Variants in ARRB1 observed in about 807,000 individuals in gnomAD.
ARRB1 encodes beta-arrestin-1.
Under a neutral mutation model 56.8 loss-of-function variants are expected in ARRB1, and 21 were observed. The ratio of observed to expected loss-of-function variants is 0.37; its 90% CI spans 0.26 to 0.53. ARRB1 has a LOEUF of 0.53. Ranked by LOEUF, ARRB1 falls within the 20% of genes least tolerant of loss-of-function variation. ARRB1 has a pLI of 0.88. For synonymous variants in ARRB1, 210 were observed against 218.6 expected (o/e 0.96, Z 0.35); for missense variants, 424 against 553.7 (o/e 0.77, Z 2.35).
chr11:75,290,024 G>A lies in ARRB1; in HGVS notation c.36C>T (p.Ala12=), dbSNP rs773637962. ...GDKGTRVFKK[A]SPNGKLTVYL... The stretch of plus-strand genomic sequence containing the variant: ...ACAGACTCACCTTTCCATTTGGACT[G>A]GCCTTCTTGAACACTCTGTGGAGAG... The change falls in exon 2 of 16, where the codon GCC becomes GCT. Residue 12 remains alanine, a synonymous_variant. Coordinates refer to ENST00000420843, the MANE Select transcript of ARRB1 (RefSeq NM_004041.5). 63 of 1,614,124 alleles carry A rather than the reference G, an allele frequency of 3.9e-5. No homozygotes were observed. The highest frequency in any genetic ancestry group is 5.0e-5 in the Non-Finnish European group (59 of 1,180,054).
At chr11:75,346,953 G>A (rs940370306) in intron 1 of ARRB1, among the ~76,000 whole-genome samples, 1 of 152,216 alleles carries the variant, frequency 6.6e-6, no homozygotes. Flanking sequence ...AGCCATGCAG[G>A]CCTCAGCCAG....
chr11:75,318,026 CTCACACTTGAGCTGGGGTCACAA>C (rs1947290302), intron 1 of ARRB1, among the ~76,000 whole-genome samples: 1 of 151,868 alleles, frequency 6.6e-6, no homozygotes, highest in South Asian at 2.1e-4. Flanking sequence ...GGCAGTGGGT[CTCACACTTGAGCTGGGGTCACAA>C]TCACTGGAAG....
intron 2 of ARRB1, among the ~76,000 whole-genome samples, chr11:75,289,278 A>G (rs1207339805): frequency 6.6e-6 from 1 of 152,124 alleles, no homozygotes; most frequent in Non-Finnish European, 1.5e-5. Context: ...CACAGTTCCT[A>G]TGCTTTTATG....
At position 75,274,180 on chromosome 11, in the gene ARRB1, T is replaced by C; in HGVS notation, c.808A>G (p.Lys270Glu). 1 of 1,614,026 alleles carries C rather than the reference T, an allele frequency of 6.2e-7. No individual in the cohort carries two copies. Among genetic ancestry groups the C allele is most frequent in the Non-Finnish European group, 8.5e-7 (1 of 1,179,970 alleles). The stretch of plus-strand genomic sequence containing the variant: ...AGGAAGGGGGTCAGTGTGTAGACCT[T>C]GCAGAACGTCGAGCTGGGTGCCACA... ...DTVAPSSTFCKVYTLTPFLAN... is the reference protein window; with the variant it reads ...DTVAPSSTFCEVYTLTPFLAN... Residue 270 changes from lysine to glutamate, a missense_variant, in exon 11 of 16, where the codon AAG (lysine) becomes GAG (glutamate). Physicochemically the swap from Lys to Glu is moderately conservative, Grantham distance 56 (BLOSUM62 1). This residue lies in a region of ARRB1 where 301 missense variants were observed against 387.9 expected (regional missense o/e 0.78). Transcript: ENST00000420843.
At chr11:75,288,227 A>C (rs768493923) in intron 2 of ARRB1, among the ~76,000 whole-genome samples, 2 of 152,264 alleles carry the variant, frequency 1.3e-5, no homozygotes, top group Non-Finnish European at 2.9e-5. Context: ...AATGTTTTAA[A>C]ATAGATATAC....
At chr11:75,323,513 G>A (rs1192578178) in intron 1 of ARRB1, among the ~76,000 whole-genome samples, 3 of 152,118 alleles carry the variant, frequency 2.0e-5, no homozygotes, top group African/African-American at 4.8e-5. Flanking sequence ...CCAGCTACTC[G>A]GGAGGCTGAG....
intron 1 of ARRB1, among the ~76,000 whole-genome samples, chr11:75,305,014 C>CTTTT (rs1468045692): frequency 1.0e-5 from 1 of 100,026 alleles, no homozygotes; most frequent in African/African-American, 3.4e-5. Context: ...TCTTTTCTTT[C>CTTTT]TTTCTTTTTT....
chr11:75,269,744 C>T (rs944942129), intron 13 of ARRB1, among the ~76,000 whole-genome samples: 4 of 152,222 alleles, frequency 2.6e-5, no homozygotes, highest in African/African-American at 9.6e-5. Flanking sequence ...CAGACTGGGA[C>T]ATTGAGGCAT....
intron 1 of ARRB1, among the ~76,000 whole-genome samples, chr11:75,341,016 AC>A (rs1285869045): frequency 2.0e-5 from 3 of 146,902 alleles, no homozygotes; most frequent in Non-Finnish European, 4.5e-5. Context: ...CTGTGCCCCC[AC>A]CCCCGCGCAC....
At chr11:75,349,883 G>A (rs1267251547) in intron 1 of ARRB1, among the ~76,000 whole-genome samples, 1 of 152,228 alleles carries the variant, frequency 6.6e-6, no homozygotes, top group Non-Finnish European at 1.5e-5. Flanking sequence ...CCCCTCCCTG[G>A]CCCATGAGGG....
intron 1 of ARRB1, chr11:75,303,484 C>T (rs1420334180): frequency 4.6e-6 from 2 of 435,262 alleles, no homozygotes; most frequent in African/African-American, 4.0e-5. Flanking sequence ...GTGCTCTTGC[C>T]CTGACTCCTC....
At chr11:75,303,545 CCTTT>C in intron 1 of ARRB1, 1 of 455,946 alleles carries the variant, frequency 2.2e-6, no homozygotes, top group Non-Finnish European at 4.4e-6. Flanking sequence ...TTATTTCCCT[CCTTT>C]CTTTTCTTCC....
At chr11:75,315,938 G>A (rs759384745) in intron 1 of ARRB1, among the ~76,000 whole-genome samples, 16 of 152,168 alleles carry the variant, frequency 1.1e-4, no homozygotes, top group South Asian at 2.1e-4. Flanking sequence ...ATATAGCTGG[G>A]TGGGTTTAAT....
At chr11:75,292,355 G>T (rs961640486) in intron 1 of ARRB1, among the ~76,000 whole-genome samples, 3 of 152,074 alleles carry the variant, frequency 2.0e-5, no homozygotes, top group African/African-American at 7.2e-5. Flanking sequence ...GGCCAGGCTG[G>T]TCTCAAACTC....
chr11:75,311,964 A>AGGGCCT (rs1947171237), intron 1 of ARRB1: 2 of 1,146,202 alleles, frequency 1.7e-6, no homozygotes, highest in Admixed American at 4.7e-5. Flanking sequence ...ACCAAGCAGC[A>AGGGCCT]GGGCCTGGGC....
At chr11:75,340,291 A>G (rs1328783224) in intron 1 of ARRB1, among the ~76,000 whole-genome samples, 1 of 152,210 alleles carries the variant, frequency 6.6e-6, no homozygotes, top group Non-Finnish European at 1.5e-5. Flanking sequence ...CAATGCTCAG[A>G]GCCAACCCCA....
chr11:75,286,389 ACC>A (rs1946477011), intron 3 of ARRB1, among the ~76,000 whole-genome samples: 1 of 136,136 alleles, frequency 7.3e-6, no homozygotes, highest in South Asian at 2.5e-4. Flanking sequence ...TGCCTCACCC[ACC>A]CCAGTAGCAG....
At chr11:75,289,894 C>T (rs1459522483) in intron 2 of ARRB1, 115 bp downstream of exon 2, 3 of 1,471,596 alleles carry the variant, frequency 2.0e-6, no homozygotes, top group African/African-American at 1.4e-5. Flanking sequence ...GCAGCACCTG[C>T]CCCCTCCCAC....
In ARRB1 at chr11:75,262,326, C is replaced by T. The variant is rs1196375720; in HGVS notation, c.*3837G>A. On this transcript the variant is annotated 3_prime_UTR_variant, in exon 16 of 16. Coordinates refer to ENST00000420843, the MANE Select transcript of ARRB1 (RefSeq NM_004041.5). ...GGAGGGTCCAAGATGTCCCCCTCCA[C>T]CAATCACTGACAATATCCAGGTCTT... is the stretch of plus-strand genomic sequence containing the variant. 1 of 152,212 alleles carries T rather than the reference C, an allele frequency of 6.6e-6. No individual in the cohort carries two copies. The highest frequency in any genetic ancestry group is 1.5e-5 in the Non-Finnish European group (1 of 68,072). 9.4% of individuals were successfully genotyped at this position (152,212 alleles called of 1,614,324 possible). A position where few individuals can be genotyped will look rare whatever the true frequency, so the allele number is the denominator to read the frequency against.
Sources: allele counts gnomAD v4.1 joint callset (sites outside exome capture counted in the v4.1 genomes callset), GRCh38; gene constraint gnomAD v4.1.1; regional missense constraint gnomAD v4.1.1; transcripts MANE v1.5; gene names NCBI Gene and HGNC (gene_info 2026-07-23, HGNC 2026-07-21).